FRY: variants seen among roughly 807,000 people sequenced by gnomAD.
FRY encodes the protein FRY microtubule binding protein.
A neutral mutation model predicts 348.4 loss-of-function variants in FRY; 128 were observed. The observed-to-expected ratio is 0.37, with a 90% confidence interval of 0.32 to 0.43. The LOEUF (loss-of-function observed/expected upper bound fraction) is 0.43. FRY is among the 20% of genes least tolerant of loss of function. The pLI, the probability that FRY is intolerant of heterozygous loss-of-function variation, is 1.00. For missense variants in FRY, 2,736 were observed against 3,695.2 expected (o/e 0.74, Z 6.73); for synonymous variants, 1,370 against 1,374.7 (o/e 1.00, Z 0.08).
intron 8 of FRY, among the ~76,000 whole-genome samples, chr13:32,133,768 C>CTTTTTTTTTTTTTTTTTTTTTTTTTTT (rs34413710): frequency 1.3e-3 from 116 of 89,266 alleles, no homozygotes; most frequent in Non-Finnish European, 1.5e-3. Context: ...TTCTTTCTTT[C>CTTTTTTTTTTTTTTTTTTTTTTTTTTT]TTTTTTTTTT....
chr13:32,041,283 CTTTTTTTTTTTT>C (rs11286980), intron 1 of FRY, among the ~76,000 whole-genome samples: 9 of 65,008 alleles, frequency 1.4e-4, no homozygotes, highest in African/African-American at 1.8e-4. Flanking sequence ...TAATCTTCTG[CTTTTTTTTTTTT>C]TTTTTTTTTT....
Position 32,275,187 on chromosome 13 carries a change from G to T in FRY, c.8286+196G>T, listed in dbSNP as rs555977796. 8.2e-6 allele frequency: 4 copies of T among 485,732 alleles called. No individual in the cohort carries two copies. In the East Asian group the frequency reaches 1.1e-4, roughly 14 times the overall value. The allele number at this position is 485,732 out of a possible 1,614,324, so 30.1% of individuals were successfully genotyped here. On this transcript the variant is annotated intron_variant, in intron 56 of 60. Coordinates refer to ENST00000542859, the MANE Select transcript of FRY (RefSeq NM_023037.3). ...AGGTCAGGAGATCGAGACCATCCTGGCTAACACGGTGAAACCCCGTATCTA... is the reference window on the plus strand; with the variant it reads ...AGGTCAGGAGATCGAGACCATCCTGTCTAACACGGTGAAACCCCGTATCTA...
intron 4 of FRY, 116 bp downstream of exon 4, chr13:32,117,589 A>G: frequency 9.4e-7 from 1 of 1,058,980 alleles, no homozygotes; most frequent in South Asian, 1.3e-5. Context: ...AAGGATGCCT[A>G]GCAGGTGCTG....
Position 32,244,195 on chromosome 13 carries a change from A to T in FRY, c.6828+13A>T. 1 of 1,611,066 alleles carries T rather than the reference A, an allele frequency of 6.2e-7. No homozygotes were observed. The highest frequency in any genetic ancestry group is 8.5e-7 in the Non-Finnish European group (1 of 1,177,428). On this transcript the variant is annotated intron_variant, in intron 47 of 60. Transcript: ENST00000542859. ...AAAATATGTGCAAGTGAGTACTTGG[A>T]TAACTTCACTAAGCAACCAGTCGTT...
chr13:32,114,060 G>C lies in FRY; in HGVS notation c.325-3274G>C, dbSNP rs143911751. 4.5e-3 allele frequency among the ~76,000 whole-genome samples: 680 copies of C among 152,216 alleles called. 4 individuals carry two copies. Among genetic ancestry groups the C allele is most frequent in the African/African-American group, 0.015 (643 of 41,544 alleles). On this transcript the variant is annotated intron_variant, in intron 3 of 60. Transcript: ENST00000542859. Reference sequence around the variant, plus strand: ...CTGTGGAAGTTCTCTATGGAGAATGGGGGTTCCACATACATGAGGTAGCGG... The same window carrying C: ...CTGTGGAAGTTCTCTATGGAGAATGCGGGTTCCACATACATGAGGTAGCGG...
At chr13:32,050,490 C>G (rs1048729654) in intron 1 of FRY, among the ~76,000 whole-genome samples, 3 of 152,156 alleles carry the variant, frequency 2.0e-5, no homozygotes, top group Admixed American at 1.3e-4. Context: ...TCTTTCTATC[C>G]TTCAGGGATA....
chr13:32,274,664 A>G (rs1476947388), intron 55 of FRY, among the ~76,000 whole-genome samples, 178 bp from the exon 56 acceptor site: 6 of 131,258 alleles, frequency 4.6e-5, no homozygotes, highest in Admixed American at 1.9e-4. Context: ...AGATCGCGCC[A>G]CTGCACTCCA....
intron 1 of FRY, among the ~76,000 whole-genome samples, chr13:32,072,634 T>C (rs1874741252): frequency 6.6e-6 from 1 of 152,246 alleles, no homozygotes; most frequent in Admixed American, 6.5e-5. Flanking sequence ...GGACAATTTG[T>C]TATTGCTCTA....
chr13:32,171,132 C>T lies in FRY; in HGVS notation c.2013C>T (p.Leu671=). ...TATTTGGCTTTACCAACTTCCTGCT[C>T]CGGGAAGTAAATGATATGCATCACA... is the stretch of plus-strand genomic sequence containing the variant. ...DVLFGFTNFL[L]REVNDMHHTL... Residue 671 remains leucine (L), a synonymous_variant, in exon 18 of 61, where the codon CTC becomes CTT. Coordinates refer to ENST00000542859, the MANE Select transcript of FRY (RefSeq NM_023037.3). 1 of 1,613,546 alleles carries T rather than the reference C, an allele frequency of 6.2e-7. No individual in the cohort carries two copies. The highest frequency in any genetic ancestry group is 8.5e-7 in the Non-Finnish European group (1 of 1,179,618).
In FRY at chr13:32,209,782, T is replaced by C. The variant is rs368139735; in HGVS notation, c.4422+51T>C. 201 of 1,573,056 alleles carry C rather than the reference T, an allele frequency of 1.3e-4. No homozygotes were observed. In the Middle Eastern group the frequency reaches 1.5e-3, roughly 12 times the overall value. On this transcript the variant is annotated intron_variant, in intron 33 of 60. Coordinates refer to ENST00000542859, the MANE Select transcript of FRY (RefSeq NM_023037.3). ...GTGATTATTCCTGCAGGGACTCCCATGTGCAATTTGCAAGTCAGAATGTGC... is the reference window on the plus strand; with the variant it reads ...GTGATTATTCCTGCAGGGACTCCCACGTGCAATTTGCAAGTCAGAATGTGC...
intron 1 of FRY, among the ~76,000 whole-genome samples, chr13:32,070,117 T>TG (rs1180518918): frequency 6.6e-6 from 1 of 152,240 alleles, no homozygotes; most frequent in Non-Finnish European, 1.5e-5. Flanking sequence ...CTATCATTGA[T>TG]GGACATTTGG....
chr13:32,254,397 A>G lies in FRY; in HGVS notation c.7416+3A>G. ...ATGTGGAGCTGGAGGATGGAGAGGT[A>G]CGGTGTATTCTCTGTAAAAATAATC... On this transcript the variant is annotated splice_donor_region_variant and intron_variant, in intron 51 of 60. Transcript: ENST00000542859. 6.2e-7 allele frequency: 1 copy of G among 1,612,624 alleles called. No individual in the cohort carries two copies. The highest frequency in any genetic ancestry group is 8.5e-7 in the Non-Finnish European group (1 of 1,178,614).
chr13:32,085,671 C>T (rs970679425), intron 2 of FRY, among the ~76,000 whole-genome samples: 1 of 152,206 alleles, frequency 6.6e-6, no homozygotes, highest in Non-Finnish European at 1.5e-5. Context: ...CACCACCCTC[C>T]TCATTATCCT....
chr13:32,082,478 G>T (rs970349704), intron 2 of FRY, among the ~76,000 whole-genome samples: 2 of 152,144 alleles, frequency 1.3e-5, no homozygotes, highest in Admixed American at 6.6e-5. Context: ...TTCTAAACAA[G>T]CTAATGGGGT....
rs545114857 is a variant in FRY, at chr13:32,186,441, G to A, written c.3480+21G>A. ...TAAAAGTAGGTGATATTGTACTCAC[G>A]AATGACTGAGTCAGATGGATGGTCT... On this transcript the variant is annotated intron_variant, in intron 27 of 60. Coordinates refer to ENST00000542859, the MANE Select transcript of FRY (RefSeq NM_023037.3). 26 of 1,473,444 alleles carry A rather than the reference G, an allele frequency of 1.8e-5. No individual in the cohort carries two copies. In the East Asian group the frequency reaches 1.8e-4, roughly 10 times the overall value. 91.3% of individuals were successfully genotyped at this position (1,473,444 alleles called of 1,614,324 possible).
chr13:32,224,138 A>C, intron 36 of FRY, 97 bp from the exon 37 acceptor site: 4 of 1,138,706 alleles, frequency 3.5e-6, no homozygotes, highest in Non-Finnish European at 4.0e-6. Flanking sequence ...TATTTTTACA[A>C]GCATACATTT....
intron 13 of FRY, among the ~76,000 whole-genome samples, chr13:32,148,947 T>A (rs1207328058): frequency 6.6e-6 from 1 of 151,862 alleles, no homozygotes; most frequent in African/African-American, 2.4e-5. Context: ...CATGTAGTTA[T>A]CATGTGACTG....
At chr13:32,143,228 GT>G (rs762846957) in intron 11 of FRY, among the ~76,000 whole-genome samples, 9 of 152,138 alleles carry the variant, frequency 5.9e-5, no homozygotes, top group Non-Finnish European at 1.3e-4. Context: ...AAAAAAACAT[GT>G]TTGTATTTTC....
intron 31 of FRY, among the ~76,000 whole-genome samples, chr13:32,206,877 G>A (rs76035998): frequency 0.035 from 5,327 of 152,126 alleles, 109 homozygotes; most frequent in East Asian, 0.087. Flanking sequence ...TATTGTAAAC[G>A]GCCAGACAAA....
Sources: allele counts gnomAD v4.1 joint callset (sites outside exome capture counted in the v4.1 genomes callset), GRCh38; gene constraint gnomAD v4.1.1; transcripts MANE v1.5; gene names NCBI Gene and HGNC (gene_info 2026-07-23, HGNC 2026-07-21).